CFAP77: variants seen among roughly 807,000 people sequenced by gnomAD.
CFAP77 encodes cilia and flagella associated protein 77.
In CFAP77, 25 loss-of-function variants were observed where a neutral mutation model predicts 31.1. The ratio of observed to expected loss-of-function variants is 0.80; its 90% CI spans 0.59 to 1.12. CFAP77 has a LOEUF of 1.12. Ranked by LOEUF, CFAP77 falls within the 50% of genes most tolerant of loss-of-function variation. CFAP77 has a pLI of 0.00. For synonymous variants in CFAP77, 151 were observed against 159.9 expected (o/e 0.94, Z 0.42); for missense variants, 377 against 397.3 (o/e 0.95, Z 0.44).
intron 1 of CFAP77, among the ~76,000 whole-genome samples, chr9:132,438,541 A>ATATATATATATATATATATATATATATAT: frequency 1.8e-5 from 2 of 108,150 alleles, no homozygotes; most frequent in Non-Finnish European, 3.6e-5. Context: ...ATATATATAT[A>ATATATATATATATATATATATATATATAT]TTTTTTTTTT....
intron 1 of CFAP77, among the ~76,000 whole-genome samples, chr9:132,422,931 G>C (rs1050168618): frequency 2.6e-5 from 4 of 152,202 alleles, no homozygotes; most frequent in African/African-American, 4.8e-5. Flanking sequence ...CTTCCAGGCT[G>C]GTTTAGGGTT....
At chr9:132,457,310 G>A (rs1173514142) in intron 1 of CFAP77, among the ~76,000 whole-genome samples, 1 of 105,304 alleles carries the variant, frequency 9.5e-6, no homozygotes, top group Non-Finnish European at 2.3e-5. Flanking sequence ...GGACGGGGGT[G>A]GGGGGGCGGG....
chr9:132,486,014 A>ATATATATATATATATATGTATG (rs1851536205), intron 1 of CFAP77, among the ~76,000 whole-genome samples: 1 of 15,132 alleles, frequency 6.6e-5, no homozygotes, highest in Non-Finnish European at 1.0e-4. Flanking sequence ...ATATATATAT[A>ATATATATATATATATATGTATG]TATATATATA....
At chr9:132,522,300 A>T (rs1410650430) in intron 3 of CFAP77, among the ~76,000 whole-genome samples, 2 of 152,198 alleles carry the variant, frequency 1.3e-5, no homozygotes, top group Non-Finnish European at 2.9e-5. Flanking sequence ...TTGGCTGAAG[A>T]CACTGCAGCC....
chr9:132,553,906 C>T (rs1234925451), intron 5 of CFAP77, among the ~76,000 whole-genome samples: 2 of 152,236 alleles, frequency 1.3e-5, no homozygotes, highest in African/African-American at 4.8e-5. Flanking sequence ...GTGAAAATTC[C>T]CTGCTGGAGG....
chr9:132,561,661 A>ACACACACACACC (rs1247071368), intron 5 of CFAP77, among the ~76,000 whole-genome samples: 1 of 46,460 alleles, frequency 2.2e-5, no homozygotes, highest in African/African-American at 1.5e-4. Flanking sequence ...ACACACACAC[A>ACACACACACACC]CCCCCTCCAT....
chr9:132,522,572 A>G (rs1009017955), intron 3 of CFAP77, among the ~76,000 whole-genome samples: 3 of 152,224 alleles, frequency 2.0e-5, no homozygotes, highest in Admixed American at 6.5e-5. Flanking sequence ...ACCATAAAGA[A>G]CTACATTTAC....
At chr9:132,540,565 A>T (rs114790707) in intron 4 of CFAP77, among the ~76,000 whole-genome samples, 2 of 152,362 alleles carry the variant, frequency 1.3e-5, no homozygotes, top group African/African-American at 4.8e-5. Flanking sequence ...AGAGAAAAGC[A>T]TTCAAATGTC....
intron 1 of CFAP77, among the ~76,000 whole-genome samples, chr9:132,477,204 GGT>G (rs1416165680): frequency 6.6e-6 from 1 of 152,220 alleles, no homozygotes; most frequent in Non-Finnish European, 1.5e-5. Flanking sequence ...CGATTAGCAA[GGT>G]GACCCTGGGC....
chr9:132,454,343 G>A (rs920332750), intron 1 of CFAP77, among the ~76,000 whole-genome samples: 6 of 152,178 alleles, frequency 3.9e-5, no homozygotes, highest in South Asian at 4.1e-4. Flanking sequence ...CCAGGAAACC[G>A]AGGGCTTTCT....
intron 5 of CFAP77, among the ~76,000 whole-genome samples, chr9:132,556,758 G>C (rs1313003698): frequency 6.6e-6 from 1 of 152,222 alleles, no homozygotes; most frequent in Non-Finnish European, 1.5e-5. Context: ...AGCTGTCAGG[G>C]AACTGAGGCA....
chr9:132,461,723 C>G (rs922915601), intron 1 of CFAP77, among the ~76,000 whole-genome samples: 2 of 152,168 alleles, frequency 1.3e-5, no homozygotes, highest in Non-Finnish European at 2.9e-5. Flanking sequence ...GGCCGATGAA[C>G]GATGACACCA....
chr9:132,502,444 A>C (rs1851866874), intron 3 of CFAP77, among the ~76,000 whole-genome samples: 1 of 152,010 alleles, frequency 6.6e-6, no homozygotes, highest in African/African-American at 2.4e-5. Flanking sequence ...CATCTCAAGA[A>C]CTTTTTCATC....
chr9:132,533,508 G>A (rs534486315), intron 3 of CFAP77, among the ~76,000 whole-genome samples: 1 of 150,082 alleles, frequency 6.7e-6, no homozygotes, highest in Admixed American at 6.6e-5. Flanking sequence ...GGCGGCTCCA[G>A]GCGTTTCTTG....
chr9:132,506,097 T>C (rs483496), intron 3 of CFAP77, among the ~76,000 whole-genome samples: 55,546 of 152,068 alleles, frequency 0.37, 10,432 homozygotes, highest in African/African-American at 0.44. Context: ...CGGATTTCTA[T>C]CCAGTCTGGC....
Position 132,410,267 on chromosome 9 carries a change from C to G in CFAP77, c.-5C>G. On this transcript the variant is annotated 5_prime_UTR_variant, in exon 1 of 6. Transcript: ENST00000393216. ...CCGCGGGCCGGCTCCCCGGCGACCT[C>G]AAGGATGCCAGAGGCCAGGAGCTCC... 1 of 1,563,558 alleles carries G rather than the reference C, an allele frequency of 6.4e-7. No individual in the cohort carries two copies. The highest frequency in any genetic ancestry group is 8.6e-7 in the Non-Finnish European group (1 of 1,157,280).
intron 1 of CFAP77, among the ~76,000 whole-genome samples, chr9:132,484,770 C>T (rs1400344283): frequency 6.6e-6 from 1 of 151,676 alleles, no homozygotes. Flanking sequence ...TAAATATGAA[C>T]ACCTGTTTTC....
intron 1 of CFAP77, among the ~76,000 whole-genome samples, chr9:132,446,099 A>G (rs1850707297): frequency 6.6e-6 from 1 of 151,972 alleles, no homozygotes; most frequent in African/African-American, 2.4e-5. Flanking sequence ...TAATTGTCCT[A>G]CAAATGATGC....
At chr9:132,479,645 C>T (rs558389245) in intron 1 of CFAP77, among the ~76,000 whole-genome samples, 14 of 152,326 alleles carry the variant, frequency 9.2e-5, no homozygotes, top group African/African-American at 2.9e-4. Flanking sequence ...AGGATGGCCC[C>T]GTTGGCTTTG....
Sources: allele counts gnomAD v4.1 joint callset (sites outside exome capture counted in the v4.1 genomes callset), GRCh38; gene constraint gnomAD v4.1.1; transcripts MANE v1.5; gene names NCBI Gene and HGNC (gene_info 2026-07-23, HGNC 2026-07-21).